The following PIK3R4 variants were observed in gnomAD, a reference collection of about 807,000 sequenced individuals.
PIK3R4 encodes the protein phosphoinositide-3-kinase regulatory subunit 4, also known as phosphoinositide 3-kinase regulatory subunit 4.
Under a neutral mutation model 136.5 loss-of-function variants are expected in PIK3R4, and 46 were observed. The observed-to-expected ratio is 0.34, with a 90% CI of 0.27 to 0.43. PIK3R4 has a LOEUF of 0.43. Ranked by LOEUF, PIK3R4 falls within the 20% of genes least tolerant of loss-of-function variation. The pLI is 1.00. For missense variants in PIK3R4, 1,331 were observed against 1,649.5 expected (o/e 0.81, Z 3.35); for synonymous variants, 557 against 566.7 (o/e 0.98, Z 0.24).
At chr3:130,690,738 T>C (rs1346826641) in intron 13 of PIK3R4, 84 bp from the exon 14 acceptor site, 1 of 775,578 alleles carries the variant, frequency 1.3e-6, no homozygotes, top group East Asian at 2.7e-5. Context: ...GCAAGCAAAA[T>C]TATTACTTTG....
rs1367157995 is a variant in PIK3R4 at position 130,730,395 on chromosome 3, C to G, written c.1498G>C (p.Val500Leu). The G allele has an allele frequency of 3.1e-6, 5 of 1,602,176 alleles. No homozygotes were observed. The highest frequency in any genetic ancestry group is 2.3e-5 in the East Asian group (1 of 44,244). ...TCCATATTAAGATTTTTTAACTGTA[C>G]TAATTCCAGGAATCTCAGAGCTGTT... is the stretch of plus-strand genomic sequence containing the variant. ...AETALRFLEL[V>L]QLKNLNMEND... Residue 500 changes from valine to leucine, a missense_variant, in exon 5 of 20, where the codon GTA (valine) becomes CTA (leucine). By Grantham distance (32) the Val-to-Leu change is conservative. Coordinates refer to ENST00000356763, the MANE Select transcript of PIK3R4 (RefSeq NM_014602.3).
intron 2 of PIK3R4, among the ~76,000 whole-genome samples, chr3:130,740,729 C>CA (rs2066817868): frequency 6.6e-6 from 1 of 150,630 alleles, no homozygotes; most frequent in African/African-American, 2.4e-5. Context: ...GACTCTGTCT[C>CA]AAAAAATAAA....
chr3:130,733,453 T>C, intron 4 of PIK3R4, 95 bp downstream of exon 4: 1 of 763,132 alleles, frequency 1.3e-6, no homozygotes, highest in South Asian at 1.8e-5. Context: ...AAGTTCATAC[T>C]TGCAATTCTC....
intron 9 of PIK3R4, among the ~76,000 whole-genome samples, chr3:130,709,375 T>C (rs571793223): frequency 6.6e-6 from 1 of 152,098 alleles, no homozygotes; most frequent in African/African-American, 2.4e-5. Flanking sequence ...TAATAAAATA[T>C]CAGTTCTCCT....
In PIK3R4 at chr3:130,708,382, A is replaced by T; in HGVS notation, c.2442T>A (p.Ser814Arg). 1.2e-6 allele frequency: 2 copies of T among 1,613,794 alleles called. No individual in the cohort carries two copies. The highest frequency in any genetic ancestry group is 1.7e-6 in the Non-Finnish European group (2 of 1,179,750). ...CTGCCAAGTCAATTACACCTTTCTG[A>T]CTACTATCATGAAGATGGCTCTGGT... is the stretch of plus-strand genomic sequence containing the variant. ...IVDQSHLHDS[S>R]QKGVIDLAAL... The change falls in exon 10 of 20, where the codon AGT becomes AGA. Residue 814 changes from serine (S) to arginine (R), a missense_variant. Transcript: ENST00000356763.
At position 130,693,647 on chromosome 3, in the gene PIK3R4, G is replaced by GT. The variant is rs536839342; in HGVS notation, c.3099-2994dup. On this transcript the variant is annotated intron_variant, in intron 13 of 19. Coordinates refer to ENST00000356763, the MANE Select transcript of PIK3R4 (RefSeq NM_014602.3). ...TCATTTGTCTTTTTATTGTTGAGTT[G>GT]TAAGTGTTCTTTATACATTTTAAAT... is the stretch of plus-strand genomic sequence containing the variant. 2.7e-4 allele frequency among the ~76,000 whole-genome samples: 41 copies of GT among 152,184 alleles called. 1 individual carries two copies. In the South Asian group the frequency reaches 8.3e-3, roughly 31 times the overall value.
intron 13 of PIK3R4, among the ~76,000 whole-genome samples, chr3:130,700,818 C>T (rs1248967299): frequency 2.6e-5 from 4 of 152,198 alleles, no homozygotes; most frequent in Non-Finnish European, 5.9e-5. Flanking sequence ...TCAATAAAGG[C>T]ATGTGATAAG....
Position 130,733,910 on chromosome 3 carries a change from G to A in PIK3R4, c.1088C>T (p.Pro363Leu). The A allele has an allele frequency of 6.2e-7, 1 of 1,614,006 alleles. No individual in the cohort carries two copies. Among genetic ancestry groups the A allele is most frequent in the Non-Finnish European group, 8.5e-7 (1 of 1,179,944 alleles). The change falls in exon 4 of 20, where the codon CCA becomes CTA. Residue 363 changes from proline to leucine, a missense_variant. Physicochemically the swap from Pro to Leu is moderately conservative, Grantham distance 98 (BLOSUM62 -3). Around this residue, in one of 2 missense-constraint regions of PIK3R4, gnomAD observed 1,180 missense variants for 1,407.0 expected, o/e 0.84. Transcript: ENST00000356763. ...CTTAGGCTCTCCTTCGGCTTTTTCT[G>A]GCAGATCATGTCCACAGAGATTGTG... ...IIHNLCGHDLPEKAEGEPKEN... is the reference protein window; with the variant it reads ...IIHNLCGHDLLEKAEGEPKEN...
intron 16 of PIK3R4, 31 bp from the exon 17 acceptor site, chr3:130,681,622 C>G (rs1195840940): frequency 3.0e-6 from 4 of 1,336,412 alleles, no homozygotes; most frequent in Non-Finnish European, 4.3e-6. Flanking sequence ...AATCTTGACT[C>G]AGACAAAAAG....
chr3:130,697,839 T>C (rs1328072462), intron 13 of PIK3R4, among the ~76,000 whole-genome samples: 1 of 152,248 alleles, frequency 6.6e-6, no homozygotes, highest in Non-Finnish European at 1.5e-5. Context: ...TCTCTTTATA[T>C]GGATTGAAGT....
chr3:130,706,030 A>G (rs1033577959), intron 11 of PIK3R4, among the ~76,000 whole-genome samples: 2 of 152,212 alleles, frequency 1.3e-5, no homozygotes, highest in African/African-American at 4.8e-5. Context: ...CATGAAAATA[A>G]CATTAAACAA....
At chr3:130,695,461 G>A (rs2066540874) in intron 13 of PIK3R4, among the ~76,000 whole-genome samples, 1 of 152,110 alleles carries the variant, frequency 6.6e-6, no homozygotes, top group Admixed American at 6.5e-5. Flanking sequence ...TTTGAACTGT[G>A]CACCATTCTG....
chr3:130,718,468 G>A lies in PIK3R4; in HGVS notation c.2048C>T (p.Ala683Val), dbSNP rs1049177487. The change falls in exon 8 of 20, where the codon GCT becomes GTT. Residue 683 changes from alanine (A) to valine (V), a missense_variant. By Grantham distance (64) the Ala-to-Val change is moderately conservative. Transcript: ENST00000356763. ...GACATCAGCTGTACTTATTTGACGA[G>A]CTACCACTGTGATAAATCCCACGGC... ...YGAVGFITVVARQISTADVYC... is the reference protein window; with the variant it reads ...YGAVGFITVVVRQISTADVYC... 1.9e-6 allele frequency: 3 copies of A among 1,613,556 alleles called. No homozygotes were observed. The African/African-American group carries it at 4.0e-5, about 22-fold the overall frequency.
chr3:130,721,010 C>T (rs1417326156), intron 7 of PIK3R4, among the ~76,000 whole-genome samples: 3 of 151,976 alleles, frequency 2.0e-5, no homozygotes, highest in Admixed American at 2.0e-4. Context: ...GCACTCCAGC[C>T]TGGGTGACAG....
At chr3:130,689,558 G>A (rs950412838) in intron 14 of PIK3R4, among the ~76,000 whole-genome samples, 8 of 152,116 alleles carry the variant, frequency 5.3e-5, no homozygotes, top group African/African-American at 1.7e-4. Context: ...AAAAGCCCAG[G>A]TGACCCAACA....
chr3:130,744,884 T>C lies in PIK3R4; in HGVS notation c.335A>G (p.Asp112Gly). The C allele has an allele frequency of 6.2e-7, 1 of 1,614,198 alleles. No individual in the cohort carries two copies. Among genetic ancestry groups the C allele is most frequent in the Non-Finnish European group, 8.5e-7 (1 of 1,180,024 alleles). Residue 112 changes from aspartate (D) to glycine (G), a missense_variant, in exon 2 of 20, where the codon GAT (aspartate) becomes GGT (glycine). Transcript: ENST00000356763. The part of the protein sequence containing the change: ...FRQYVRDNLY[D>G]RISTRPFLNN... ...CAAGAATGGACGGGTACTGATGCGA[T>C]CATAGAGATTGTCTCGCACATACTG...
At chr3:130,705,267 A>G (rs2066599994) in intron 12 of PIK3R4, among the ~76,000 whole-genome samples, 1 of 152,230 alleles carries the variant, frequency 6.6e-6, no homozygotes, top group Non-Finnish European at 1.5e-5. Flanking sequence ...ATTCAAGTGA[A>G]AAAGTGGCAA....
At chr3:130,691,875 T>G (rs1312725251) in intron 13 of PIK3R4, among the ~76,000 whole-genome samples, 4 of 142,910 alleles carry the variant, frequency 2.8e-5, no homozygotes, top group African/African-American at 7.8e-5. Context: ...TAGTTTTTTT[T>G]TTTTTTTTTT....
At chr3:130,679,530 T>A in intron 19 of PIK3R4, 45 bp from the exon 20 acceptor site, 1 of 1,433,270 alleles carries the variant, frequency 7.0e-7, no homozygotes, top group Non-Finnish European at 9.7e-7. Context: ...TAAAAGTCTG[T>A]ACCACATTTT....
Sources: allele counts gnomAD v4.1 joint callset (sites outside exome capture counted in the v4.1 genomes callset), GRCh38; gene constraint gnomAD v4.1.1; regional missense constraint gnomAD v4.1.1; transcripts MANE v1.5; gene names NCBI Gene and HGNC (gene_info 2026-07-23, HGNC 2026-07-21).